The following PARVB variants were observed in gnomAD, a reference collection of about 807,000 sequenced individuals.
PARVB encodes the protein parvin beta, also known as beta-parvin.
PARVB carries 46 observed loss-of-function variants against 47.0 expected under a neutral mutation model. The observed-to-expected ratio is 0.98, with a 90% CI of 0.77 to 1.25. The LOEUF is 1.25. Among genes scored for constraint, PARVB ranks in the 50% most tolerant of loss-of-function variants. The probability of loss-of-function intolerance (pLI) is 0.00; values close to 1 mark genes in which losing one functional copy is unlikely to be tolerated. For missense variants in PARVB, 473 were observed against 471.6 expected (o/e 1.00, Z -0.03); for synonymous variants, 196 against 196.3 (o/e 1.00, Z 0.01).
chr22:44,119,885 C>T (rs2053003920), intron 4 of PARVB: 1 of 527,158 alleles, frequency 1.9e-6, no homozygotes, highest in Admixed American at 2.0e-5. Context: ...GGCCTTGCAG[C>T]TCATATGGAA....
At chr22:44,018,666 G>A (rs1415189202) in intron 2 of PARVB, among the ~76,000 whole-genome samples, 1 of 152,108 alleles carries the variant, frequency 6.6e-6, no homozygotes, top group African/African-American at 2.4e-5. Context: ...TGGCTCTGGG[G>A]TTTCCTCGCT....
chr22:44,060,535 C>T (rs1025445692), intron 1 of PARVB, among the ~76,000 whole-genome samples: 29 of 151,824 alleles, frequency 1.9e-4, no homozygotes, highest in Admixed American at 2.6e-4. Flanking sequence ...GTGGGGCAAC[C>T]GGAGCTTAGG....
Position 43,999,674 on chromosome 22 carries a change from G to T in PARVB, c.211+1G>T, listed in dbSNP as rs372659249. 2 of 1,611,462 alleles carry T rather than the reference G, an allele frequency of 1.2e-6. No homozygotes were observed. Among genetic ancestry groups the T allele is most frequent in the African/African-American group, 2.7e-5 (2 of 74,814 alleles). On this transcript the variant is annotated splice_donor_variant, in intron 2 of 13. Coordinates refer to the PARVB transcript ENST00000406477. LOFTEE classifies it high-confidence loss of function. Reference sequence around the variant, plus strand: ...ACATCTGAATATGCTCAAGGAGGAGGTAAGTTTTGGGGGAAAAACTGTCAG... The same window carrying T: ...ACATCTGAATATGCTCAAGGAGGAGTTAAGTTTTGGGGGAAAAACTGTCAG...
chr22:44,040,576 G>A (rs2051000769), intron 1 of PARVB, among the ~76,000 whole-genome samples: 1 of 152,170 alleles, frequency 6.6e-6, no homozygotes, highest in Admixed American at 6.6e-5. Context: ...GCCAAGGAAT[G>A]TGAGCAGCCT....
At chr22:44,162,094 T>C (rs1044461653) in intron 11 of PARVB, among the ~76,000 whole-genome samples, 2 of 152,248 alleles carry the variant, frequency 1.3e-5, no homozygotes, top group East Asian at 3.8e-4. Flanking sequence ...CGGTTGGTGC[T>C]GGCAGGTCAT....
At chr22:44,013,141 G>A (rs1258136574) in intron 2 of PARVB, among the ~76,000 whole-genome samples, 1 of 152,068 alleles carries the variant, frequency 6.6e-6, no homozygotes, top group Non-Finnish European at 1.5e-5. Context: ...CAGGTGATCC[G>A]TCTGCCTCGG....
At chr22:44,075,875 T>C (rs1197394168) in intron 1 of PARVB, among the ~76,000 whole-genome samples, 1 of 152,252 alleles carries the variant, frequency 6.6e-6, no homozygotes, top group Non-Finnish European at 1.5e-5. Flanking sequence ...TGCAGATGTA[T>C]AGCCCAGGTG....
chr22:44,032,473 G>A (rs1017097009), intron 1 of PARVB, among the ~76,000 whole-genome samples: 11 of 152,054 alleles, frequency 7.2e-5, no homozygotes, highest in African/African-American at 2.4e-4. Context: ...CCAGCTCTGC[G>A]TTTCTGAGCT....
intron 8 of PARVB, chr22:44,144,195 C>G (rs1388904174): frequency 6.6e-6 from 1 of 152,346 alleles, no homozygotes; most frequent in Admixed American, 6.5e-5. Flanking sequence ...CTTTGTGAAG[C>G]CTTCCTCAGG....
chr22:44,085,655 CTTAA>C (rs2052007913), intron 1 of PARVB, among the ~76,000 whole-genome samples: 4 of 152,208 alleles, frequency 2.6e-5, no homozygotes, highest in Admixed American at 2.0e-4. Flanking sequence ...ATGTATTGCA[CTTAA>C]TTAATTGTGC....
chr22:44,066,798 C>CCTCCTCCTT (rs2051538308), intron 1 of PARVB, among the ~76,000 whole-genome samples: 7 of 67,646 alleles, frequency 1.0e-4, no homozygotes, highest in African/African-American at 3.0e-4. Flanking sequence ...TCCTCCTCCT[C>CCTCCTCCTT]CTCCTCCTCC....
chr22:44,111,445 T>A (rs2052695117), intron 3 of PARVB: 3 of 47,930 alleles, frequency 6.3e-5, no homozygotes, highest in Admixed American at 2.3e-4. Context: ...TTTTTTTTTT[T>A]TTTTTTTTTT....
chr22:44,015,321 C>T (rs758899490), intron 2 of PARVB, among the ~76,000 whole-genome samples: 1 of 152,052 alleles, frequency 6.6e-6, no homozygotes. Flanking sequence ...AAAGAGCAGC[C>T]TGAAAAATCA....
At chr22:44,093,061 G>T (rs534192771) in intron 1 of PARVB, among the ~76,000 whole-genome samples, 1 of 152,212 alleles carries the variant, frequency 6.6e-6, no homozygotes, top group East Asian at 1.9e-4. Flanking sequence ...ACCTGCACCC[G>T]GCACCATGGA....
intron 1 of PARVB, among the ~76,000 whole-genome samples, chr22:44,086,105 C>T (rs1273762545): frequency 6.6e-6 from 1 of 152,168 alleles, no homozygotes; most frequent in Non-Finnish European, 1.5e-5. Context: ...CTTTCTTACT[C>T]CTCTAGTCAT....
intron 3 of PARVB, among the ~76,000 whole-genome samples, chr22:44,117,960 C>G (rs1430250297): frequency 1.3e-5 from 2 of 152,180 alleles, no homozygotes; most frequent in Non-Finnish European, 2.9e-5. Context: ...GGAGTCCTGT[C>G]TTTCCATAGG....
chr22:44,031,615 C>G (rs1213160586), intron 1 of PARVB: 1 of 151,828 alleles, frequency 6.6e-6, no homozygotes, highest in East Asian at 1.9e-4. Context: ...TACAAACCTC[C>G]CAGCAGAGTC....
intron 1 of PARVB, among the ~76,000 whole-genome samples, chr22:44,073,701 C>T (rs1343392307): frequency 2.0e-5 from 3 of 152,194 alleles, no homozygotes; most frequent in Non-Finnish European, 2.9e-5. Context: ...CAGAAGCATT[C>T]ATTGCTTGGA....
intron 2 of PARVB, among the ~76,000 whole-genome samples, chr22:44,017,371 A>G (rs896623377): frequency 2.0e-5 from 3 of 152,198 alleles, no homozygotes; most frequent in Non-Finnish European, 4.4e-5. Flanking sequence ...CCCTATTTAC[A>G]TGGGATTTCT....
Sources: gnomAD v4.1 joint callset for allele counts (sites outside exome capture counted in the v4.1 genomes callset) on GRCh38, gnomAD v4.1.1 for gene constraint, MANE v1.5 for transcripts, NCBI Gene and HGNC (gene_info 2026-07-23, HGNC 2026-07-21) for gene names.